The following ZNF385D variants were observed in gnomAD, a reference collection of about 807,000 sequenced individuals.
ZNF385D encodes zinc finger protein 385D.
In ZNF385D, 15 loss-of-function variants were observed where a neutral mutation model predicts 35.8. The ratio of observed to expected loss-of-function variants is 0.42; its 90% confidence interval spans 0.28 to 0.64. The LOEUF (loss-of-function observed/expected upper bound fraction) is 0.64, where lower values mean the gene tolerates loss of function less well. ZNF385D is among the 30% of genes least tolerant of loss of function. ZNF385D has a pLI of 0.23. For missense variants in ZNF385D, 474 were observed against 494.6 expected (o/e 0.96, Z 0.39); for synonymous variants, 212 against 186.8 (o/e 1.13, Z -1.10).
At chr3:22,151,024 G>A (rs751702536) in intron 3 of ZNF385D, among the ~76,000 whole-genome samples, 3 of 152,262 alleles carry the variant, frequency 2.0e-5, no homozygotes, top group South Asian at 2.1e-4. Flanking sequence ...TGTGAATTAC[G>A]AAATAAAATA....
At position 21,838,840 on chromosome 3, in the gene ZNF385D, A is replaced by G. The variant is rs191389240; in HGVS notation, c.326-173812T>C. On this transcript the variant is annotated intron_variant, in intron 3 of 5. Transcript: ENST00000494108. ...TAGGTGTCTTGATTTCAGAGATGTT[A>G]AAGTGTGAGAAAAGATGCTTCTTAG... Among the ~76,000 whole-genome samples, 498 of 152,208 alleles carry G rather than the reference A, an allele frequency of 3.3e-3. 3 individuals are homozygous for G. The highest frequency in any genetic ancestry group is 0.011 in the African/African-American group (445 of 41,556).
At position 22,276,946 on chromosome 3, in the gene ZNF385D, T is replaced by C. The variant is rs75136228; in HGVS notation, c.106+95504A>G. Among the ~76,000 whole-genome samples the C allele has an allele frequency of 4.4e-3, 670 of 152,234 alleles. 7 individuals are homozygous for C. The highest frequency in any genetic ancestry group is 0.015 in the African/African-American group (637 of 41,550). On this transcript the variant is annotated intron_variant, in intron 2 of 5. Coordinates refer to the ZNF385D transcript ENST00000494108. ...ACAAGAGATTTGTTATTTCAACACATGCATTCACTTAAGACTTTATTTTAC... is the reference window on the plus strand; with the variant it reads ...ACAAGAGATTTGTTATTTCAACACACGCATTCACTTAAGACTTTATTTTAC...
intron 3 of ZNF385D, among the ~76,000 whole-genome samples, chr3:22,033,231 G>A (rs1396896585): frequency 2.0e-5 from 3 of 151,714 alleles, no homozygotes; most frequent in Non-Finnish European, 4.4e-5. Flanking sequence ...GTGGAACCCT[G>A]TCTCTACTAA....
intron 2 of ZNF385D, among the ~76,000 whole-genome samples, chr3:22,328,980 G>C (rs926676039): frequency 6.7e-6 from 1 of 150,154 alleles, no homozygotes; most frequent in African/African-American, 2.5e-5. Context: ...GGGAGGCTGA[G>C]GCAGGAGAAT....
intron 3 of ZNF385D, among the ~76,000 whole-genome samples, chr3:21,984,258 G>A (rs1467038158): frequency 6.8e-6 from 1 of 147,110 alleles, no homozygotes; most frequent in Non-Finnish European, 1.5e-5. Context: ...TGTCCTGAAT[G>A]GTAATGCCTA....
intron 3 of ZNF385D, chr3:21,942,553 A>T (rs1168786379): frequency 6.6e-6 from 1 of 152,222 alleles, no homozygotes; most frequent in Non-Finnish European, 1.5e-5. Flanking sequence ...CATCTTTGGC[A>T]GGCAATGCTC....
chr3:21,436,038 T>C (rs1199699504), intron 5 of ZNF385D, among the ~76,000 whole-genome samples: 4 of 152,212 alleles, frequency 2.6e-5, no homozygotes, highest in African/African-American at 7.2e-5. Flanking sequence ...TTTTCTATTA[T>C]AGTTGCTGAC....
At chr3:21,955,971 A>T (rs1044616517) in intron 3 of ZNF385D, among the ~76,000 whole-genome samples, 1 of 152,012 alleles carries the variant, frequency 6.6e-6, no homozygotes, top group Non-Finnish European at 1.5e-5. Context: ...GGTTCACTTG[A>T]GCTCAGGTAT....
At chr3:21,998,448 G>C (rs1695622751) in intron 3 of ZNF385D, among the ~76,000 whole-genome samples, 2 of 152,200 alleles carry the variant, frequency 1.3e-5, no homozygotes, top group Admixed American at 1.3e-4. Context: ...GTGTCACTAT[G>C]AGAAATTCAG....
At chr3:21,771,306 C>A (rs2071069110) in intron 3 of ZNF385D, among the ~76,000 whole-genome samples, 1 of 150,478 alleles carries the variant, frequency 6.6e-6, no homozygotes, top group Admixed American at 6.6e-5. Flanking sequence ...ACAGGCACAG[C>A]CTAAAACAAT....
chr3:21,849,438 G>C (rs893293529), intron 3 of ZNF385D, among the ~76,000 whole-genome samples: 1 of 151,898 alleles, frequency 6.6e-6, no homozygotes, highest in Non-Finnish European at 1.5e-5. Context: ...TATTCCACAT[G>C]TCCTTTCTCT....
intron 3 of ZNF385D, among the ~76,000 whole-genome samples, chr3:21,873,988 T>TA (rs1485061161): frequency 1.3e-5 from 2 of 151,772 alleles, no homozygotes; most frequent in Non-Finnish European, 2.9e-5. Flanking sequence ...ATTTCATTTT[T>TA]TTTTTTGTAT....
chr3:21,628,584 A>G (rs1022333904), intron 2 of ZNF385D, among the ~76,000 whole-genome samples: 1 of 152,126 alleles, frequency 6.6e-6, no homozygotes, highest in African/African-American at 2.4e-5. Context: ...CCTGCCTAAA[A>G]AAGACAAGTG....
chr3:22,048,393 T>A (rs1256276314), intron 3 of ZNF385D, among the ~76,000 whole-genome samples: 1 of 152,170 alleles, frequency 6.6e-6, no homozygotes, highest in Non-Finnish European at 1.5e-5. Flanking sequence ...TATATTTAAG[T>A]CTTTGATCCA....
At chr3:22,121,773 T>G (rs2125666680) in intron 3 of ZNF385D, among the ~76,000 whole-genome samples, 1 of 152,072 alleles carries the variant, frequency 6.6e-6, no homozygotes, top group Non-Finnish European at 1.5e-5. Context: ...TTCTCTTGGG[T>G]TTCATTATAT....
chr3:22,203,748 C>T (rs1361335076), intron 2 of ZNF385D, among the ~76,000 whole-genome samples: 1 of 152,034 alleles, frequency 6.6e-6, no homozygotes, highest in Admixed American at 6.6e-5. Context: ...ACTCCTCTGC[C>T]AGGGAAAGGA....
At chr3:22,043,233 C>T (rs1698780676) in intron 3 of ZNF385D, among the ~76,000 whole-genome samples, 1 of 152,078 alleles carries the variant, frequency 6.6e-6, no homozygotes, top group South Asian at 2.1e-4. Context: ...GTTTTCAAGC[C>T]TTATAAAAGA....
intron 1 of ZNF385D, among the ~76,000 whole-genome samples, chr3:21,716,362 T>G (rs1280354586): frequency 6.6e-6 from 1 of 152,186 alleles, no homozygotes; most frequent in African/African-American, 2.4e-5. Context: ...AGTCCCCATA[T>G]GATCACTCTA....
chr3:22,164,216 C>CTTTTTTTTT lies in ZNF385D; in HGVS notation c.325+4592_325+4600dup, dbSNP rs571978176. Among the ~76,000 whole-genome samples the CTTTTTTTTT allele has an allele frequency of 1.1e-3, 85 of 74,950 alleles. 6 individuals are homozygous for CTTTTTTTTT. The highest frequency in any genetic ancestry group is 3.8e-3 in the African/African-American group (75 of 19,880). 49.2% of individuals were successfully genotyped at this position (74,950 alleles called of 152,430 possible). A position where few individuals can be genotyped will look rare whatever the true frequency, so the allele number is the denominator to read the frequency against. ...CACTATAGGTAATACAAAAGGAGCACTTTTTTTTTTTTTTTTTTTTTTTTT... is the reference window on the plus strand; with the variant it reads ...CACTATAGGTAATACAAAAGGAGCACTTTTTTTTTTTTTTTTTTTTTTTTTTTTTTTTTT... On this transcript the variant is annotated intron_variant, in intron 3 of 5. Transcript: ENST00000494108.
Sources: gnomAD v4.1 joint callset for allele counts (sites outside exome capture counted in the v4.1 genomes callset) on GRCh38, gnomAD v4.1.1 for gene constraint, MANE v1.5 for transcripts, NCBI Gene and HGNC (gene_info 2026-07-23, HGNC 2026-07-21) for gene names.